The following PCDH7 variants were observed in gnomAD, a reference collection of about 807,000 sequenced individuals.
The protein encoded by PCDH7 is protocadherin-7.
Under a neutral mutation model 58.9 loss-of-function variants are expected in PCDH7, and 17 were observed. That is an observed-to-expected ratio of 0.29 (90% CI 0.20 to 0.43). PCDH7 has a LOEUF of 0.43. Ranked by LOEUF, PCDH7 falls within the 20% of genes least tolerant of loss-of-function variation. PCDH7 has a pLI of 1.00. For missense variants in PCDH7, 1,274 were observed against 1,441.0 expected (o/e 0.88, Z 1.88); for synonymous variants, 664 against 616.4 (o/e 1.08, Z -1.14).
intron 1 of PCDH7, among the ~76,000 whole-genome samples, chr4:30,839,433 C>T (rs1412444163): frequency 6.6e-6 from 1 of 152,014 alleles, no homozygotes; most frequent in East Asian, 1.9e-4. Flanking sequence ...GTGTCTGGCT[C>T]ATGGAAATAA....
chr4:30,745,318 A>C (rs182212581), intron 1 of PCDH7, among the ~76,000 whole-genome samples: 55 of 150,604 alleles, frequency 3.7e-4, no homozygotes, highest in African/African-American at 1.3e-3. Context: ...AATTATAATG[A>C]CTTTTTTTCT....
intron 1 of PCDH7, among the ~76,000 whole-genome samples, chr4:30,832,035 G>A (rs1057392567): frequency 6.6e-6 from 1 of 152,068 alleles, no homozygotes; most frequent in Non-Finnish European, 1.5e-5. Context: ...TAACACTTTA[G>A]AAAAGCACAG....
chr4:30,931,823 C>CTT (rs59504939), intron 2 of PCDH7, among the ~76,000 whole-genome samples: 6 of 140,278 alleles, frequency 4.3e-5, no homozygotes, highest in African/African-American at 1.6e-4. Flanking sequence ...TTTTTCAGGA[C>CTT]TTTTTTTTTT....
chr4:31,076,414 C>T (rs1758995107), intron 3 of PCDH7, among the ~76,000 whole-genome samples: 1 of 152,094 alleles, frequency 6.6e-6, no homozygotes, highest in Non-Finnish European at 1.5e-5. Flanking sequence ...CAGAAATATT[C>T]TAAGAGAAAA....
At chr4:30,908,825 C>A (rs1467466759) in intron 1 of PCDH7, among the ~76,000 whole-genome samples, 1 of 152,170 alleles carries the variant, frequency 6.6e-6, no homozygotes, top group Non-Finnish European at 1.5e-5. Flanking sequence ...CTCCCTAACT[C>A]ATTTTGTGAG....
At chr4:31,063,108 C>T (rs1433845001) in intron 3 of PCDH7, among the ~76,000 whole-genome samples, 1 of 151,746 alleles carries the variant, frequency 6.6e-6, no homozygotes, top group Non-Finnish European at 1.5e-5. Context: ...CTTTGTCAAG[C>T]CTCTGAACCT....
At chr4:30,961,230 T>C (rs930140944) in intron 3 of PCDH7, among the ~76,000 whole-genome samples, 7 of 152,156 alleles carry the variant, frequency 4.6e-5, no homozygotes, top group African/African-American at 1.7e-4. Context: ...TTATTTAAAG[T>C]AGCTTATAAA....
chr4:30,758,284 C>T (rs1442894088), intron 1 of PCDH7, among the ~76,000 whole-genome samples: 1 of 151,898 alleles, frequency 6.6e-6, no homozygotes, highest in Non-Finnish European at 1.5e-5. Context: ...GTCCTGGAGA[C>T]CAGCATGGTG....
intron 1 of PCDH7, among the ~76,000 whole-genome samples, chr4:30,872,758 C>T (rs1291422495): frequency 6.6e-6 from 1 of 152,020 alleles, no homozygotes; most frequent in Admixed American, 6.6e-5. Flanking sequence ...ACAAATTAGA[C>T]GAGAACAGTA....
chr4:30,972,369 C>A (rs1169645748), intron 3 of PCDH7, among the ~76,000 whole-genome samples: 1 of 151,886 alleles, frequency 6.6e-6, no homozygotes, highest in Non-Finnish European at 1.5e-5. Context: ...TTTTTTATTT[C>A]TTCTAAAGGA....
At chr4:30,789,051 G>C (rs1212220161) in intron 1 of PCDH7, among the ~76,000 whole-genome samples, 2 of 152,044 alleles carry the variant, frequency 1.3e-5, no homozygotes, top group Non-Finnish European at 2.9e-5. Flanking sequence ...AGTATGAATT[G>C]ACAGTTGTTG....
At chr4:30,841,227 A>G (rs760731321) in intron 1 of PCDH7, among the ~76,000 whole-genome samples, 3 of 152,096 alleles carry the variant, frequency 2.0e-5, no homozygotes, top group Non-Finnish European at 2.9e-5. Flanking sequence ...GACAGTCACA[A>G]AGAAAGACAA....
chr4:31,034,980 G>T (rs1755268758), intron 3 of PCDH7, among the ~76,000 whole-genome samples: 1 of 152,160 alleles, frequency 6.6e-6, no homozygotes. Flanking sequence ...GTGGGAGATT[G>T]TATCCTCAAC....
At chr4:30,772,887 A>T (rs1452537528) in intron 1 of PCDH7, among the ~76,000 whole-genome samples, 3 of 152,126 alleles carry the variant, frequency 2.0e-5, no homozygotes, top group Non-Finnish European at 4.4e-5. Context: ...TATACTTTCT[A>T]TTTTATTTAT....
At chr4:30,766,172 G>C (rs907070536) in intron 1 of PCDH7, among the ~76,000 whole-genome samples, 4 of 151,880 alleles carry the variant, frequency 2.6e-5, no homozygotes, top group Non-Finnish European at 5.9e-5. Context: ...ATGTCACTGT[G>C]TTATAAGTGA....
At chr4:30,821,809 C>T (rs929556759) in intron 1 of PCDH7, among the ~76,000 whole-genome samples, 1 of 152,126 alleles carries the variant, frequency 6.6e-6, no homozygotes, top group Non-Finnish European at 1.5e-5. Context: ...TCAAACCCAT[C>T]CTTCTGCATA....
intron 3 of PCDH7, among the ~76,000 whole-genome samples, chr4:31,109,026 G>A (rs1325682932): frequency 6.6e-6 from 1 of 152,082 alleles, no homozygotes; most frequent in Non-Finnish European, 1.5e-5. Flanking sequence ...CCTTTCCTGG[G>A]ACAACAGCCC....
intron 3 of PCDH7, among the ~76,000 whole-genome samples, chr4:31,032,453 C>G: frequency 6.6e-6 from 1 of 151,754 alleles, no homozygotes; most frequent in Non-Finnish European, 1.5e-5. Context: ...ACTAAAAATA[C>G]AAAAATTAGC....
intron 3 of PCDH7, among the ~76,000 whole-genome samples, chr4:31,071,956 A>G (rs1758577034): frequency 1.3e-5 from 2 of 152,066 alleles, no homozygotes; most frequent in Admixed American, 1.3e-4. Context: ...AACTACTCTT[A>G]TACTAAACCA....
Sources: allele counts gnomAD v4.1 joint callset (sites outside exome capture counted in the v4.1 genomes callset), GRCh38; gene constraint gnomAD v4.1.1; transcripts MANE v1.5; gene names NCBI Gene and HGNC (gene_info 2026-07-23, HGNC 2026-07-21).